CORO7: variants seen among roughly 807,000 people sequenced by gnomAD.
CORO7 encodes coronin 7, also known as coronin-7.
In CORO7, 107 loss-of-function variants were observed where a neutral mutation model predicts 126.6. The observed-to-expected ratio is 0.85, with a 90% CI of 0.72 to 0.99. The LOEUF is 0.99. Ranked by LOEUF, CORO7 falls within the 50% of genes least tolerant of loss-of-function variation. The probability of loss-of-function intolerance (pLI) is 0.00; values close to 1 mark genes in which losing one functional copy is unlikely to be tolerated. For missense variants in CORO7, 1,314 were observed against 1,255.8 expected (o/e 1.05, Z -0.70); for synonymous variants, 603 against 536.8 (o/e 1.12, Z -1.70).
intron 7 of CORO7, among the ~76,000 whole-genome samples, chr16:4,393,944 CA>C (rs2055486947): frequency 6.6e-6 from 1 of 151,778 alleles, no homozygotes; most frequent in Non-Finnish European, 1.5e-5. Flanking sequence ...ACTAAAAATA[CA>C]AAAAAATTAG....
rs972074732 is a variant in CORO7 at position 4,359,569 on chromosome 16, G to A, written c.2161C>T (p.Pro721Ser). 6.2e-7 allele frequency: 1 copy of A among 1,612,434 alleles called. No homozygotes were observed. Among genetic ancestry groups the A allele is most frequent in the Non-Finnish European group, 8.5e-7 (1 of 1,179,296 alleles). ...LYEAEALAGG[P>S]LAVLGLDVAP... ...ACGTCCAGGCCCAACACTGCCAAGG[G>A]TCCGCCGGCCAGGGCCTCAGCTTCA... The change falls in exon 22 of 28, where the codon CCC becomes TCC. Residue 721 changes from proline to serine, a missense_variant. By Grantham distance (74) the Pro-to-Ser change is moderately conservative. Transcript: ENST00000251166.
chr16:4,368,649 G>A (rs1412278807), intron 9 of CORO7, among the ~76,000 whole-genome samples: 1 of 151,716 alleles, frequency 6.6e-6, no homozygotes, highest in African/African-American at 2.4e-5. Context: ...TCAGGAGGCT[G>A]AGGCAGGAGA....
At chr16:4,400,790 A>G (rs1194559334) in intron 6 of CORO7, among the ~76,000 whole-genome samples, 1 of 146,044 alleles carries the variant, frequency 6.8e-6, no homozygotes, top group East Asian at 2.0e-4. Flanking sequence ...AATGCACTCC[A>G]GCAGTGCAAT....
chr16:4,381,304 G>A (rs761586779), intron 9 of CORO7: 4 of 1,612,186 alleles, frequency 2.5e-6, no homozygotes, highest in Admixed American at 1.7e-5. Flanking sequence ...CCAGCCTGGT[G>A]CCTTCGACAC....
chr16:4,357,318 A>G, intron 25 of CORO7, 59 bp from the exon 26 acceptor site: 1 of 1,475,140 alleles, frequency 6.8e-7, no homozygotes, highest in Non-Finnish European at 9.1e-7. Context: ...CTTTGGTGCC[A>G]AGCCCTCGGG....
rs1242803658 is a variant in CORO7 at position 4,355,283 on chromosome 16, C to G, written c.2772+3G>C. On this transcript the variant is annotated splice_donor_region_variant and intron_variant, in intron 27 of 27. Coordinates refer to ENST00000251166, the MANE Select transcript of CORO7 (RefSeq NM_024535.5). ...CCGGGAAGTGAGGCCACTCACTACT[C>G]ACCCACTCGTCCTCGTCCACGCCTT... 1 of 1,613,404 alleles carries G rather than the reference C, an allele frequency of 6.2e-7. No individual in the cohort carries two copies. Among genetic ancestry groups the G allele is most frequent in the East Asian group, 2.2e-5 (1 of 44,864 alleles).
intron 9 of CORO7, among the ~76,000 whole-genome samples, chr16:4,367,632 C>T (rs555576620): frequency 8.5e-5 from 13 of 152,100 alleles, no homozygotes; most frequent in East Asian, 3.9e-4. Context: ...GTGATCCCTG[C>T]GATCCCAAGG....
At chr16:4,358,245 G>T (rs760651131) in intron 24 of CORO7, 122 bp downstream of exon 24, 134 of 1,528,148 alleles carry the variant, frequency 8.8e-5, no homozygotes, top group Non-Finnish European at 1.1e-4. Flanking sequence ...TCAGCAGAAG[G>T]GGGTAGGTGT....
rs138901504 is a variant in CORO7 at position 4,367,627 on chromosome 16, C to A, written c.786-2082G>T. Among the ~76,000 whole-genome samples the A allele has an allele frequency of 3.7e-3, 556 of 152,202 alleles. 2 individuals carry two copies. Among genetic ancestry groups the A allele is most frequent in the African/African-American group, 0.013 (526 of 41,528 alleles). On this transcript the variant is annotated intron_variant, in intron 9 of 27. Transcript: ENST00000251166. The stretch of plus-strand genomic sequence containing the variant: ...CCTCAGCAGTGGGGGAAGGGGTGAT[C>A]CCTGCGATCCCAAGGTCATGCAGAA...
chr16:4,382,166 G>C lies in CORO7; in HGVS notation c.785+5820C>G, dbSNP rs1364242291. On this transcript the variant is annotated intron_variant, in intron 9 of 27. Coordinates refer to ENST00000251166, the MANE Select transcript of CORO7 (RefSeq NM_024535.5). ...CTGGGGACACGGCACCACCTGGCGT[G>C]CTTGTGCCCCGAAGGCTTCACGGGC... 5 of 1,594,254 alleles carry C rather than the reference G, an allele frequency of 3.1e-6. No individual in the cohort carries two copies. In the African/African-American group the frequency reaches 6.7e-5, roughly 21 times the overall value.
In CORO7 at chr16:4,411,088, T is replaced by C. The variant is rs73509381; in HGVS notation, c.232+1268A>G. 2.8e-3 allele frequency among the ~76,000 whole-genome samples: 426 copies of C among 152,302 alleles called. 1 individual carries two copies. Among genetic ancestry groups the C allele is most frequent in the African/African-American group, 9.9e-3 (410 of 41,572 alleles). On this transcript the variant is annotated intron_variant, in intron 3 of 27. Coordinates refer to ENST00000251166, the MANE Select transcript of CORO7 (RefSeq NM_024535.5). ...GGCAGTGCACATGACTCGGTCACTT[T>C]AATAAGAATCATCAGGCTCTTTACT... is the stretch of plus-strand genomic sequence containing the variant.
intron 9 of CORO7, among the ~76,000 whole-genome samples, chr16:4,384,843 C>G (rs2055135679): frequency 1.3e-5 from 2 of 152,270 alleles, no homozygotes; most frequent in South Asian, 4.1e-4. Context: ...AGGCCTGCCT[C>G]CCCCGGCCCG....
intron 2 of CORO7, chr16:4,412,950 C>A (rs550024834): frequency 3.9e-6 from 1 of 254,912 alleles, no homozygotes; most frequent in East Asian, 8.2e-5. Context: ...AACCAACACA[C>A]GGGCTTTTCA....
intron 9 of CORO7, chr16:4,382,807 G>A (rs1161339160): frequency 1.3e-6 from 2 of 1,593,162 alleles, no homozygotes; most frequent in Admixed American, 1.7e-5. Flanking sequence ...CGGTGGAGAG[G>A]CCCTGCCCAG....
intron 3 of CORO7, among the ~76,000 whole-genome samples, chr16:4,409,255 T>A (rs1268555137): frequency 4.6e-5 from 7 of 152,170 alleles, no homozygotes; most frequent in Non-Finnish European, 1.0e-4. Context: ...CACAGGCACA[T>A]CTTGGGATAG....
chr16:4,408,360 C>G lies in CORO7; in HGVS notation c.233-109G>C, dbSNP rs997775014. The G allele has an allele frequency of 4.8e-6, 7 of 1,444,644 alleles. No individual in the cohort carries two copies. The African/African-American group carries it at 8.4e-5, about 17-fold the overall frequency. The allele number at this position is 1,444,644 out of a possible 1,614,324, so 89.5% of individuals were successfully genotyped here. A position where few individuals can be genotyped will look rare whatever the true frequency, so the allele number is the denominator to read the frequency against. ...ACTTTTGTGTGCACACAGAAACAGG[C>G]TACAAGTCTACAAGGGCCCTCTGGA... On this transcript the variant is annotated intron_variant, in intron 3 of 27. Transcript: ENST00000251166.
chr16:4,365,103 C>T (rs987248089), intron 10 of CORO7, 43 bp from the exon 11 acceptor site: 1 of 1,563,334 alleles, frequency 6.4e-7, no homozygotes, highest in Non-Finnish European at 8.7e-7. Flanking sequence ...GACTGAACCC[C>T]TGGGGAGGGC....
intron 10 of CORO7, 52 bp downstream of exon 10, chr16:4,365,439 G>A (rs1311224094): frequency 2.6e-6 from 4 of 1,551,032 alleles, no homozygotes; most frequent in Non-Finnish European, 3.5e-6. Flanking sequence ...GGAAGGCCAG[G>A]GGCTGGACTC....
In CORO7 at chr16:4,364,618, C is replaced by T; in HGVS notation, c.1116G>A (p.Trp372Ter). 1 of 1,567,582 alleles carries T rather than the reference C, an allele frequency of 6.4e-7. No homozygotes were observed. Among genetic ancestry groups the T allele is most frequent in the Non-Finnish European group, 8.6e-7 (1 of 1,156,938 alleles). ...GCVPATDPHSWWAGDNQQVQK... is the reference protein window; with the variant it reads ...GCVPATDPHS ...CTACCTGCTGGTTGTCCCCAGCCCA[C>T]CAGCTATGGGGGTCGGTGGCAGGCA... Residue 372 changes from tryptophan (W) to a stop codon, truncating the protein, a stop_gained, in exon 13 of 28, where the codon TGG becomes TGA. Transcript: ENST00000251166. LOFTEE classifies it high-confidence loss of function.
Sources: gnomAD v4.1 joint callset for allele counts (sites outside exome capture counted in the v4.1 genomes callset) on GRCh38, gnomAD v4.1.1 for gene constraint, MANE v1.5 for transcripts, NCBI Gene and HGNC (gene_info 2026-07-23, HGNC 2026-07-21) for gene names.